Variants in MYRIP observed in about 807,000 individuals in gnomAD.
MYRIP encodes rab effector MyRIP.
MYRIP carries 49 observed loss-of-function variants against 98.0 expected under a neutral mutation model. That is an observed-to-expected ratio of 0.50 (90% CI 0.40 to 0.63). The LOEUF (loss-of-function observed/expected upper bound fraction) is 0.63, where lower values mean the gene tolerates loss of function less well. MYRIP is among the 30% of genes least tolerant of loss of function. The probability of loss-of-function intolerance (pLI) is 0.00; values close to 1 mark genes in which losing one functional copy is unlikely to be tolerated. For synonymous variants in MYRIP, 404 were observed against 409.5 expected (o/e 0.99, Z 0.16); for missense variants, 1,004 against 1,058.2 (o/e 0.95, Z 0.71).
intron 1 of MYRIP, among the ~76,000 whole-genome samples, chr3:39,864,769 T>A (rs1315958961): frequency 3.9e-5 from 6 of 152,074 alleles, no homozygotes; most frequent in African/African-American, 1.4e-4. Flanking sequence ...AAACTACCAA[T>A]GACATTCTTC....
intron 9 of MYRIP, among the ~76,000 whole-genome samples, chr3:40,184,091 C>CT (rs879432971): frequency 6.6e-6 from 1 of 152,128 alleles, no homozygotes; most frequent in Non-Finnish European, 1.5e-5. Context: ...TTTGCTTTTG[C>CT]TTTTTAAGTG....
chr3:40,021,066 A>G (rs1209666411), intron 2 of MYRIP, among the ~76,000 whole-genome samples: 3 of 152,206 alleles, frequency 2.0e-5, no homozygotes, highest in Non-Finnish European at 4.4e-5. Context: ...TTCCATAAAG[A>G]TAATTCCCAT....
At chr3:39,821,061 AC>A (rs1445150241) in intron 1 of MYRIP, among the ~76,000 whole-genome samples, 1 of 152,198 alleles carries the variant, frequency 6.6e-6, no homozygotes, top group African/African-American at 2.4e-5. Flanking sequence ...AAAACAAAAG[AC>A]CAAACATTTT....
At position 39,926,129 on chromosome 3, in the gene MYRIP, C is replaced by T. The variant is rs140943462; in HGVS notation, c.110+25203C>T. On this transcript the variant is annotated intron_variant, in intron 2 of 16. Transcript: ENST00000302541. ...ATATGCTTGTTGGTTGCTTGTATGTCGTCTTTTGAAAAGTGTCTATTCATG... is the reference window on the plus strand; with the variant it reads ...ATATGCTTGTTGGTTGCTTGTATGTTGTCTTTTGAAAAGTGTCTATTCATG... Among the ~76,000 whole-genome samples, 967 of 152,066 alleles carry T rather than the reference C, an allele frequency of 6.4e-3. 4 individuals are homozygous for T. The highest frequency in any genetic ancestry group is 0.021 in the African/African-American group (872 of 41,496).
At chr3:40,120,555 C>G (rs1297528639) in intron 3 of MYRIP, among the ~76,000 whole-genome samples, 1 of 152,174 alleles carries the variant, frequency 6.6e-6, no homozygotes, top group African/African-American at 2.4e-5. Context: ...CACTTATATT[C>G]TGAGGATGAT....
intron 2 of MYRIP, among the ~76,000 whole-genome samples, chr3:39,971,302 TAGAG>T (rs1945574342): frequency 2.0e-5 from 3 of 151,998 alleles, no homozygotes; most frequent in Admixed American, 2.0e-4. Flanking sequence ...TTTAGGCAAA[TAGAG>T]GGAGGGCAGA....
intron 5 of MYRIP, among the ~76,000 whole-genome samples, chr3:40,165,640 T>A (rs1347242089): frequency 1.3e-5 from 2 of 151,896 alleles, no homozygotes. Context: ...TTCTCACAAG[T>A]AAGAAGCTAA....
chr3:40,118,453 A>C (rs1949327612), intron 3 of MYRIP, among the ~76,000 whole-genome samples: 2 of 152,196 alleles, frequency 1.3e-5, no homozygotes, highest in African/African-American at 2.4e-5. Context: ...CTAGATGCTA[A>C]TCAATAGGGC....
At chr3:40,225,382 G>C (rs142101399) in intron 11 of MYRIP, among the ~76,000 whole-genome samples, 73 of 152,278 alleles carry the variant, frequency 4.8e-4, no homozygotes, top group Middle Eastern at 3.4e-3. Context: ...GGTGTCAGTT[G>C]GTAGAGGCTG....
At chr3:40,094,585 C>A (rs1272785548) in intron 3 of MYRIP, among the ~76,000 whole-genome samples, 1 of 152,168 alleles carries the variant, frequency 6.6e-6, no homozygotes, top group African/African-American at 2.4e-5. Context: ...GTTTAGTCAC[C>A]TCCTTCTCTG....
chr3:39,956,450 G>A (rs1945165273), intron 2 of MYRIP, among the ~76,000 whole-genome samples: 1 of 152,112 alleles, frequency 6.6e-6, no homozygotes. Context: ...ACAAAATGAA[G>A]GCAGAAATAA....
chr3:40,145,491 T>C (rs999083973), intron 3 of MYRIP, among the ~76,000 whole-genome samples: 4 of 152,164 alleles, frequency 2.6e-5, no homozygotes, highest in Admixed American at 2.6e-4. Flanking sequence ...GCCCTTTCAT[T>C]CTCCTTCCTG....
At chr3:40,039,870 A>G (rs1187641694) in intron 2 of MYRIP, among the ~76,000 whole-genome samples, 2 of 152,068 alleles carry the variant, frequency 1.3e-5, no homozygotes, top group Non-Finnish European at 2.9e-5. Flanking sequence ...TGGAAGGGCC[A>G]CACTCCCTCC....
chr3:40,210,259 C>T (rs997780744), intron 11 of MYRIP, among the ~76,000 whole-genome samples, 166 bp downstream of exon 11: 10 of 152,170 alleles, frequency 6.6e-5, no homozygotes, highest in African/African-American at 1.4e-4. Context: ...TTAACTTGCA[C>T]TGGGGGGTAC....
chr3:39,855,675 G>T (rs1348229786), intron 1 of MYRIP, among the ~76,000 whole-genome samples: 1 of 152,104 alleles, frequency 6.6e-6, no homozygotes, highest in Non-Finnish European at 1.5e-5. Flanking sequence ...GGTGAGGCCG[G>T]TCTCACTCCC....
At chr3:39,985,114 T>C (rs1358496245) in intron 2 of MYRIP, among the ~76,000 whole-genome samples, 3 of 152,058 alleles carry the variant, frequency 2.0e-5, no homozygotes, top group Non-Finnish European at 4.4e-5. Context: ...CATTGTAGAT[T>C]CTGGGAAAAT....
At chr3:40,053,993 A>G (rs571679907) in intron 3 of MYRIP, among the ~76,000 whole-genome samples, 26 of 152,286 alleles carry the variant, frequency 1.7e-4, no homozygotes, top group Non-Finnish European at 3.1e-4. Flanking sequence ...GCCCATGGGT[A>G]TAGCATTGGC....
At chr3:39,932,950 G>T (rs921886138) in intron 2 of MYRIP, among the ~76,000 whole-genome samples, 2 of 152,192 alleles carry the variant, frequency 1.3e-5, no homozygotes, top group African/African-American at 4.8e-5. Context: ...ATTGAGTATT[G>T]TTAATTCTAA....
At chr3:39,901,151 T>C (rs1488675844) in intron 2 of MYRIP, among the ~76,000 whole-genome samples, 1 of 152,238 alleles carries the variant, frequency 6.6e-6, no homozygotes, top group Non-Finnish European at 1.5e-5. Flanking sequence ...TCTGACCCTG[T>C]ATGTCATTAC....
Sources: gnomAD v4.1 joint callset for allele counts (sites outside exome capture counted in the v4.1 genomes callset) on GRCh38, gnomAD v4.1.1 for gene constraint, MANE v1.5 for transcripts, NCBI Gene and HGNC (gene_info 2026-07-23, HGNC 2026-07-21) for gene names.